The following EIPR1 variants were observed in gnomAD, a reference collection of about 807,000 sequenced individuals.
EIPR1 encodes the protein EARP and GARP complex-interacting protein 1.
EIPR1 carries 25 observed loss-of-function variants against 48.1 expected under a neutral mutation model. The observed-to-expected ratio is 0.52, with a 90% CI of 0.38 to 0.73. The LOEUF (loss-of-function observed/expected upper bound fraction) is 0.73. Among genes scored for constraint, EIPR1 ranks in the 30% least tolerant of loss-of-function variants. The pLI is 0.00. For missense variants in EIPR1, 415 were observed against 506.2 expected (o/e 0.82, Z 1.73); for synonymous variants, 204 against 201.9 (o/e 1.01, Z -0.09).
rs5828972 is a variant in EIPR1, at chr2:3,269,455, TCAC to T, written c.260-12003_260-12001del. Among the ~76,000 whole-genome samples, 315 of 50,638 alleles carry T rather than the reference TCAC, an allele frequency of 6.2e-3. 28 individuals are homozygous for T. Among genetic ancestry groups the T allele is most frequent in the Middle Eastern group, 0.013 (1 of 80 alleles). 33.2% of individuals were successfully genotyped at this position (50,638 alleles called of 152,430 possible). ...ACTCAATCATCACCACACTCAATCA[TCAC>T]CACACTCAGTCATCGCACTCAGTCA... On this transcript the variant is annotated intron_variant, in intron 3 of 8. Coordinates refer to ENST00000382125, the MANE Select transcript of EIPR1 (RefSeq NM_003310.5).
At chr2:3,327,872 C>A (rs201206810) in intron 3 of EIPR1, among the ~76,000 whole-genome samples, 1 of 143,116 alleles carries the variant, frequency 7.0e-6, no homozygotes, top group African/African-American at 2.7e-5. Flanking sequence ...TTTTTTTTTT[C>A]TTTTTGAGAT....
intron 4 of EIPR1, among the ~76,000 whole-genome samples, chr2:3,235,965 G>A (rs538509381): frequency 1.0e-3 from 153 of 152,274 alleles, no homozygotes; most frequent in African/African-American, 3.1e-3. Flanking sequence ...CTTAGGTGGA[G>A]AAAAGTGGGT....
At chr2:3,365,740 C>T (rs999207545) in intron 1 of EIPR1, among the ~76,000 whole-genome samples, 1 of 150,872 alleles carries the variant, frequency 6.6e-6, no homozygotes, top group African/African-American at 2.4e-5. Flanking sequence ...CATCTTGCAC[C>T]GCCCTTAATC....
At chr2:3,369,343 G>C (rs538924064) in intron 1 of EIPR1, among the ~76,000 whole-genome samples, 1 of 152,202 alleles carries the variant, frequency 6.6e-6, no homozygotes, top group African/African-American at 2.4e-5. Context: ...TCCATATGAG[G>C]TACCGGGTTC....
At chr2:3,270,812 G>T (rs574224020) in intron 3 of EIPR1, among the ~76,000 whole-genome samples, 257 of 152,306 alleles carry the variant, frequency 1.7e-3, no homozygotes, top group Non-Finnish European at 3.2e-3. Flanking sequence ...GGATGGAGTG[G>T]CAATGGCAGT....
chr2:3,198,562 G>A lies in EIPR1; in HGVS notation c.517-1545C>T, dbSNP rs145512110. 7.4e-3 allele frequency among the ~76,000 whole-genome samples: 1,122 copies of A among 152,256 alleles called. 20 individuals are homozygous for A. The highest frequency in any genetic ancestry group is 0.026 in the African/African-American group (1,075 of 41,550). On this transcript the variant is annotated intron_variant, in intron 5 of 8. Transcript: ENST00000382125. ...GGGAACCCACCCCCGATAATTCAACGTAGGTTCTTTTCTATTTTCCCTGTG... is the reference window on the plus strand; with the variant it reads ...GGGAACCCACCCCCGATAATTCAACATAGGTTCTTTTCTATTTTCCCTGTG...
chr2:3,248,104 G>A (rs1666892934), intron 4 of EIPR1, among the ~76,000 whole-genome samples: 1 of 152,152 alleles, frequency 6.6e-6, no homozygotes, highest in Non-Finnish European at 1.5e-5. Flanking sequence ...CATCCTCTTG[G>A]TGGTGAGTGA....
chr2:3,369,753 G>A (rs565204588), intron 1 of EIPR1, among the ~76,000 whole-genome samples: 13 of 152,198 alleles, frequency 8.5e-5, no homozygotes, highest in South Asian at 2.1e-4. Flanking sequence ...TGGGTGGAGC[G>A]CACCACAGCT....
chr2:3,299,009 C>G (rs1419993457), intron 3 of EIPR1, among the ~76,000 whole-genome samples: 1 of 152,208 alleles, frequency 6.6e-6, no homozygotes, highest in African/African-American at 2.4e-5. Context: ...CCAGTCCTCT[C>G]CCGCTTAACA....
chr2:3,294,156 C>A (rs1196374286), intron 3 of EIPR1, among the ~76,000 whole-genome samples: 1 of 152,062 alleles, frequency 6.6e-6, no homozygotes, highest in Non-Finnish European at 1.5e-5. Context: ...TAGGAGAATC[C>A]CACAGGAGGA....
At chr2:3,314,688 C>T (rs971044398) in intron 3 of EIPR1, among the ~76,000 whole-genome samples, 1 of 151,922 alleles carries the variant, frequency 6.6e-6, no homozygotes, top group Non-Finnish European at 1.5e-5. Context: ...CTGAAGGACA[C>T]ACCTGATCCT....
intron 5 of EIPR1, among the ~76,000 whole-genome samples, chr2:3,199,385 A>T (rs1664933069): frequency 1.3e-5 from 2 of 152,222 alleles, no homozygotes; most frequent in Non-Finnish European, 1.5e-5. Flanking sequence ...GGATTAAGAG[A>T]TTAAAGTAAA....
intron 3 of EIPR1, among the ~76,000 whole-genome samples, chr2:3,328,920 T>C (rs111622613): frequency 0.052 from 5,493 of 105,372 alleles, 555 homozygotes; most frequent in Non-Finnish European, 0.074. Context: ...CTCCCCTGAA[T>C]CAGAGCCCAC....
chr2:3,257,803 C>T (rs184177941), intron 3 of EIPR1, among the ~76,000 whole-genome samples: 1 of 152,294 alleles, frequency 6.6e-6, no homozygotes, highest in African/African-American at 2.4e-5. Flanking sequence ...ATATAATCAC[C>T]ACGCACGCAG....
chr2:3,190,375 C>T (rs978379098), intron 8 of EIPR1, among the ~76,000 whole-genome samples: 8 of 152,324 alleles, frequency 5.3e-5, no homozygotes, highest in Admixed American at 2.6e-4. Context: ...CCCAGCAAGA[C>T]GGACCCTCCA....
intron 4 of EIPR1, among the ~76,000 whole-genome samples, chr2:3,224,840 G>A (rs1666008619): frequency 6.6e-6 from 1 of 152,218 alleles, no homozygotes; most frequent in South Asian, 2.1e-4. Context: ...TACATCTGAA[G>A]AGGAACTTGC....
Position 3,266,300 on chromosome 2 carries a change from G to A in EIPR1, c.260-8845C>T, listed in dbSNP as rs552282665. Among the ~76,000 whole-genome samples, 6 of 152,322 alleles carry A rather than the reference G, an allele frequency of 3.9e-5. No individual in the cohort carries two copies. The East Asian group carries it at 7.7e-4, about 20-fold the overall frequency. On this transcript the variant is annotated intron_variant, in intron 3 of 8. Transcript: ENST00000382125. The stretch of plus-strand genomic sequence containing the variant: ...TAAGATGGGACTATTTTTAGAGCCC[G>A]CAGCCATCTCTGAGTCTGGCAGGAG...
At chr2:3,309,427 CAG>C (rs1558289050) in intron 3 of EIPR1, among the ~76,000 whole-genome samples, 1 of 152,110 alleles carries the variant, frequency 6.6e-6, no homozygotes, top group Non-Finnish European at 1.5e-5. Flanking sequence ...GAAAGAGAAA[CAG>C]AACGATGAGA....
chr2:3,262,718 C>T (rs539243644), intron 3 of EIPR1, among the ~76,000 whole-genome samples: 9 of 152,326 alleles, frequency 5.9e-5, no homozygotes, highest in African/African-American at 2.2e-4. Flanking sequence ...CTGGAGCAAG[C>T]CATGCCATCT....
Sources: allele counts gnomAD v4.1 joint callset (sites outside exome capture counted in the v4.1 genomes callset), GRCh38; gene constraint gnomAD v4.1.1; transcripts MANE v1.5; gene names NCBI Gene and HGNC (gene_info 2026-07-23, HGNC 2026-07-21).